The following AOX1 variants were observed in gnomAD, a reference collection of about 807,000 sequenced individuals.
AOX1 encodes the protein aldehyde oxidase.
AOX1 carries 153 observed loss-of-function variants against 169.5 expected under a neutral mutation model. The observed-to-expected ratio is 0.90, with a 90% CI of 0.79 to 1.03. The LOEUF (loss-of-function observed/expected upper bound fraction) is 1.03. Among genes scored for constraint, AOX1 ranks in the 50% least tolerant of loss-of-function variants. AOX1 has a pLI of 0.00. For missense variants in AOX1, 1,656 were observed against 1,663.9 expected, an observed-to-expected ratio of 1.00 and a Z score of 0.08; for synonymous variants, 562 against 581.9, an observed-to-expected ratio of 0.97 and a Z score of 0.49.
intron 25 of AOX1, among the ~76,000 whole-genome samples, chr2:200,650,497 C>T (rs1049413384): frequency 3.3e-5 from 5 of 152,256 alleles, no homozygotes; most frequent in African/African-American, 1.2e-4. Context: ...TTCAGACATC[C>T]TGGGATAGAA....
chr2:200,592,155 T>C (rs912452931), intron 1 of AOX1, among the ~76,000 whole-genome samples: 2 of 152,168 alleles, frequency 1.3e-5, no homozygotes, highest in African/African-American at 4.8e-5. Context: ...TTTTTTCTTA[T>C]CACATACACA....
At chr2:200,680,283 G>GA (rs1014150450), downstream of AOX1, among the ~76,000 whole-genome samples, 21 of 152,036 alleles carry the variant, frequency 1.4e-4, no homozygotes, top group Non-Finnish European at 2.2e-4. Flanking sequence ...AAAATAAGAA[G>GA]AAAAAATGAC....
At chr2:200,648,252 T>C (rs933014995) in intron 25 of AOX1, among the ~76,000 whole-genome samples, 46 of 152,208 alleles carry the variant, frequency 3.0e-4, no homozygotes, top group African/African-American at 1.1e-3. Flanking sequence ...CTGAAGGCTG[T>C]TGTTCAGTTT....
At chr2:200,617,736 A>G (rs2034794340) in intron 16 of AOX1, among the ~76,000 whole-genome samples, 1 of 152,102 alleles carries the variant, frequency 6.6e-6, no homozygotes, top group African/African-American at 2.4e-5. Context: ...TTTGCTTTTC[A>G]GGATGAAAAA....
chr2:200,623,900 G>A lies in AOX1; in HGVS notation c.2041G>A (p.Asp681Asn), dbSNP rs369839297. 216 of 1,614,088 alleles carry A rather than the reference G, an allele frequency of 1.3e-4. No homozygotes were observed. Among genetic ancestry groups the A allele is most frequent in the Non-Finnish European group, 1.7e-4 (204 of 1,179,996 alleles). ...TCAGCTTGTCTGTGCTGTGCTTGCC[G>A]ATTCTGAGGTTCAGGCAAAGCGAGC... The part of the protein sequence containing the change: ...VGQLVCAVLA[D>N]SEVQAKRAAK... Residue 681 changes from aspartate (D) to asparagine (N), a missense_variant, in exon 19 of 35, where the codon GAT becomes AAT. Coordinates refer to ENST00000374700, the MANE Select transcript of AOX1 (RefSeq NM_001159.4).
intron 23 of AOX1, among the ~76,000 whole-genome samples, chr2:200,638,786 C>A (rs1184800650): frequency 1.3e-5 from 2 of 152,158 alleles, no homozygotes; most frequent in Non-Finnish European, 2.9e-5. Flanking sequence ...AATAGTGATT[C>A]TTTTGCTTTA....
chr2:200,592,924 G>A (rs961297068), intron 1 of AOX1, among the ~76,000 whole-genome samples: 1 of 152,144 alleles, frequency 6.6e-6, no homozygotes, highest in Non-Finnish European at 1.5e-5. Context: ...AGAGAACAGC[G>A]ATAATTCAGG....
At chr2:200,594,660 T>A (rs769201397) in intron 2 of AOX1, among the ~76,000 whole-genome samples, 3 of 152,190 alleles carry the variant, frequency 2.0e-5, no homozygotes, top group Non-Finnish European at 4.4e-5. Context: ...ACAACACTTA[T>A]AATTACATCC....
At chr2:200,629,782 T>C (rs1327778785) in intron 20 of AOX1, among the ~76,000 whole-genome samples, 2 of 152,222 alleles carry the variant, frequency 1.3e-5, no homozygotes, top group Non-Finnish European at 2.9e-5. Context: ...AATGAGTATT[T>C]GTGCAAGAAT....
At chr2:200,638,873 C>CATTT (rs2035295603) in intron 23 of AOX1, among the ~76,000 whole-genome samples, 1 of 152,112 alleles carries the variant, frequency 6.6e-6, no homozygotes, top group Admixed American at 6.5e-5. Flanking sequence ...TTCATTACGT[C>CATTT]ATTTCTTGCT....
At chr2:200,672,764 G>A (rs1574970136), downstream of AOX1, among the ~76,000 whole-genome samples, 1 of 152,308 alleles carries the variant, frequency 6.6e-6, no homozygotes, top group East Asian at 1.9e-4. Context: ...GTGGCAGGTT[G>A]TGGTTAGAAT....
intron 34 of AOX1, 34 bp from the exon 35 acceptor site, chr2:200,670,595 C>T (rs2036010228): frequency 1.3e-6 from 2 of 1,587,582 alleles, no homozygotes; most frequent in Non-Finnish European, 1.7e-6. Flanking sequence ...AAACATTTCC[C>T]AGGTTTGAAC....
At chr2:200,657,190 A>ATATATATATATATATT in intron 27 of AOX1, among the ~76,000 whole-genome samples, 6 of 62,878 alleles carry the variant, frequency 9.5e-5, no homozygotes, top group South Asian at 6.6e-4. Flanking sequence ...ATATATATAT[A>ATATATATATATATATT]TTTTTTTTTT....
downstream of AOX1, among the ~76,000 whole-genome samples, chr2:200,676,262 G>A (rs1362748641): frequency 6.6e-6 from 1 of 152,152 alleles, no homozygotes; most frequent in Admixed American, 6.5e-5. Flanking sequence ...GCATGATTTA[G>A]CTCCATGTCA....
chr2:200,676,080 A>G (rs144675828), downstream of AOX1, among the ~76,000 whole-genome samples: 2,325 of 152,242 alleles, frequency 0.015, 56 homozygotes, highest in African/African-American at 0.053. Flanking sequence ...GGAATCTGAT[A>G]CTAGTTTCCT....
At position 200,637,019 on chromosome 2, in the gene AOX1, G is replaced by A. The variant is rs1223790224; in HGVS notation, c.2455G>A (p.Ala819Thr). The A allele has an allele frequency of 2.5e-6, 4 of 1,613,972 alleles. No homozygotes were observed. In the Admixed American group the frequency reaches 6.7e-5, roughly 27 times the overall value. ...GKVLKTGIIA[A>T]VTAFAANKHG... ...GGTGTTAAAAACCGGAATCATTGCA[G>A]CCGTCACTGCATTTGCCGCAAACAA... is the stretch of plus-strand genomic sequence containing the variant. Residue 819 changes from alanine (A) to threonine (T), a missense_variant, in exon 22 of 35, where the codon GCC becomes ACC. Ala to Thr is a moderately conservative substitution (Grantham distance 58). Transcript: ENST00000374700.
At chr2:200,657,184 A>ATTTTTTTTT (rs1284180212) in intron 27 of AOX1, among the ~76,000 whole-genome samples, 1 of 64,752 alleles carries the variant, frequency 1.5e-5, no homozygotes, top group Admixed American at 1.8e-4. Context: ...ATATATATAT[A>ATTTTTTTTT]TATATATTTT....
At chr2:200,630,013 G>A (rs1187499982) in intron 20 of AOX1, among the ~76,000 whole-genome samples, 1 of 152,048 alleles carries the variant, frequency 6.6e-6, no homozygotes. Context: ...GGGAGGCCAA[G>A]GCAGGACATT....
intron 28 of AOX1, 76 bp from the exon 29 acceptor site, chr2:200,659,919 G>T (rs2035787880): frequency 1.8e-6 from 2 of 1,129,732 alleles, no homozygotes; most frequent in Non-Finnish European, 2.6e-6. Context: ...CTATGGAATG[G>T]TACATATTAT....
Sources: allele counts gnomAD v4.1 joint callset (sites outside exome capture counted in the v4.1 genomes callset), GRCh38; gene constraint gnomAD v4.1.1; transcripts MANE v1.5; gene names NCBI Gene and HGNC (gene_info 2026-07-23, HGNC 2026-07-21).